ATAD3C: variants seen among roughly 807,000 people sequenced by gnomAD.
ATAD3C encodes ATPase family AAA domain containing 3C, also known as ATPase family AAA domain-containing protein 3C.
In ATAD3C, 38 loss-of-function variants were observed where a neutral mutation model predicts 46.3. The observed-to-expected ratio is 0.82, with a 90% CI of 0.63 to 1.08. The LOEUF is 1.08. Among genes scored for constraint, ATAD3C ranks in the 50% least tolerant of loss-of-function variants. ATAD3C has a pLI of 0.00. For synonymous variants in ATAD3C, 220 were observed against 236.4 expected (o/e 0.93, Z 0.63); for missense variants, 563 against 572.7 (o/e 0.98, Z 0.17).
chr1:1,459,951 C>G lies in ATAD3C; in HGVS notation c.812+720C>G, dbSNP rs1013198497. Among the ~76,000 whole-genome samples, 2 of 152,046 alleles carry G rather than the reference C, an allele frequency of 1.3e-5. No homozygotes were observed. Among genetic ancestry groups the G allele is most frequent in the African/African-American group, 4.8e-5 (2 of 41,418 alleles). ...GTTGGGCTCCTGGGTCAGCTGCTGC[C>G]GGTAGACGCTCCCTGGAGCCCTGAC... On this transcript the variant is annotated intron_variant, in intron 9 of 11. Coordinates refer to ENST00000378785, the MANE Select transcript of ATAD3C (RefSeq NM_001039211.3). The surrounding 1 kb of genome is among the most constrained non-coding windows in gnomAD (Gnocchi z 4.9).
intron 3 of ATAD3C, among the ~76,000 whole-genome samples, chr1:1,453,679 G>T (rs1360188226): frequency 2.9e-5 from 4 of 139,138 alleles, no homozygotes; most frequent in East Asian, 4.5e-4. Context: ...CCCTGTTGTT[G>T]CCCAGGCTTG....
At chr1:1,451,951 G>A (rs1005529390) in intron 1 of ATAD3C, 95 bp from the exon 2 acceptor site, 42 of 1,535,990 alleles carry the variant, frequency 2.7e-5, no homozygotes, top group Non-Finnish European at 3.6e-5. Flanking sequence ...GACGCTTGGA[G>A]CCCTGCGGTC....
chr1:1,454,858 C>T (rs183809042), intron 4 of ATAD3C, among the ~76,000 whole-genome samples: 30 of 151,964 alleles, frequency 2.0e-4, no homozygotes, highest in Non-Finnish European at 3.7e-4. Flanking sequence ...TGCCAGCCCC[C>T]AAGGTGCCTG....
chr1:1,455,698 G>C (rs1638947391), intron 5 of ATAD3C, 93 bp from the exon 6 acceptor site: 9 of 1,577,590 alleles, frequency 5.7e-6, no homozygotes, highest in Non-Finnish European at 7.8e-6. Flanking sequence ...TCCCCGGAGA[G>C]CGGAGTCCAC....
chr1:1,458,822 A>C (rs143014491), intron 8 of ATAD3C, among the ~76,000 whole-genome samples: 1,784 of 151,268 alleles, frequency 0.012, 44 homozygotes, highest in African/African-American at 0.041. Context: ...TCCCAGGTTT[A>C]AGTGATTCTC....
intron 11 of ATAD3C, among the ~76,000 whole-genome samples, chr1:1,464,613 A>G (rs1463590022): frequency 2.0e-5 from 3 of 151,752 alleles, no homozygotes; most frequent in Non-Finnish European, 2.9e-5. Flanking sequence ...TCTACTAAAA[A>G]TACGAAACTT....
chr1:1,462,104 A>G lies in ATAD3C; in HGVS notation c.981-496A>G, dbSNP rs1374447870. ...ATCCCTGCTGTCGCCAGTGACGACA[A>G]AAGCTGCTCTGTTCCAAAGAGAGCC... is the stretch of plus-strand genomic sequence containing the variant. On this transcript the variant is annotated intron_variant, in intron 10 of 11. Coordinates refer to ENST00000378785, the MANE Select transcript of ATAD3C (RefSeq NM_001039211.3). This position sits in a 1 kb window ranked among gnomAD's most constrained non-coding sequence, Gnocchi z 4.5. Among the ~76,000 whole-genome samples the G allele has an allele frequency of 6.6e-6, 1 of 151,972 alleles. No individual in the cohort carries two copies. Among genetic ancestry groups the G allele is most frequent in the Non-Finnish European group, 1.5e-5 (1 of 67,926 alleles).
chr1:1,457,748 G>A (rs1370809181), intron 8 of ATAD3C, among the ~76,000 whole-genome samples: 6 of 151,394 alleles, frequency 4.0e-5, no homozygotes, highest in African/African-American at 1.2e-4. Flanking sequence ...GCGTGATCTC[G>A]GCTCACTGCA....
At chr1:1,457,742 G>A (rs750316443) in intron 8 of ATAD3C, among the ~76,000 whole-genome samples, 2 of 151,544 alleles carry the variant, frequency 1.3e-5, no homozygotes, top group Admixed American at 6.6e-5. Context: ...TCAGTGGCGT[G>A]ATCTCGGCTC....
intron 3 of ATAD3C, 108 bp from the exon 4 acceptor site, chr1:1,454,237 G>A (rs923921423): frequency 1.4e-6 from 2 of 1,472,768 alleles, no homozygotes; most frequent in African/African-American, 2.8e-5. Context: ...ACACGGCCCT[G>A]TGCTTCTCCC....
rs1421242276 is a variant in ATAD3C, at chr1:1,452,076, G to A, written c.106G>A (p.Glu36Lys). 3 of 1,613,548 alleles carry A rather than the reference G, an allele frequency of 1.9e-6. No individual in the cohort carries two copies. Among genetic ancestry groups the A allele is most frequent in the African/African-American group, 2.7e-5 (2 of 74,942 alleles). The change falls in exon 2 of 12, where the codon GAG (glutamate) becomes AAG (lysine). Residue 36 changes from glutamate to lysine, a missense_variant. Glu to Lys is a moderately conservative substitution (Grantham distance 56, BLOSUM62 1). Transcript: ENST00000378785. ...TGTCAATGAGGATTTACGGAAGCAG[G>A]AGGAGTCCGTGCAGAAGCACCATCA... ...QLVNEDLRKQ[E>K]ESVQKHHQTF...
At chr1:1,463,991 G>A (rs1639108407) in intron 11 of ATAD3C, among the ~76,000 whole-genome samples, 1 of 151,060 alleles carries the variant, frequency 6.6e-6, no homozygotes, top group African/African-American at 2.4e-5. Context: ...AATCACTTGA[G>A]GCCAGGAGTT....
intron 6 of ATAD3C, 102 bp downstream of exon 6, chr1:1,456,018 G>T: frequency 6.4e-7 from 1 of 1,565,600 alleles, no homozygotes; most frequent in Non-Finnish European, 8.6e-7. Context: ...ACCCCCCTTA[G>T]GCCTTTGCCC....
chr1:1,454,580 A>C lies in ATAD3C; in HGVS notation c.378+80A>C, dbSNP rs983375088. ...TGCCCCACGAGCACAGCCCACGCAT[A>C]TACTCCTGTCCCTTCCCTTTCCCCG... On this transcript the variant is annotated intron_variant, in intron 4 of 11. Transcript: ENST00000378785. 54 of 1,516,840 alleles carry C rather than the reference A, an allele frequency of 3.6e-5. 1 individual carries two copies. Among genetic ancestry groups the C allele is most frequent in the Non-Finnish European group, 4.6e-5 (52 of 1,139,830 alleles). The allele number at this position is 1,516,840 out of a possible 1,614,324, so 94.0% of individuals were successfully genotyped here.
chr1:1,460,536 C>T (rs1274736433), intron 9 of ATAD3C, among the ~76,000 whole-genome samples: 2 of 152,016 alleles, frequency 1.3e-5, no homozygotes, highest in Non-Finnish European at 2.9e-5. Context: ...GAACAGAGGC[C>T]CAGGAAGCCG....
chr1:1,464,493 G>A (rs1489269192), intron 11 of ATAD3C, among the ~76,000 whole-genome samples: 3 of 151,876 alleles, frequency 2.0e-5, no homozygotes, highest in African/African-American at 4.8e-5. Flanking sequence ...TTTTTGTGCC[G>A]GGCACGGTGG....
In ATAD3C at chr1:1,457,834, C is replaced by T. The variant is rs1248703745; in HGVS notation, c.741+654C>T. 6.0e-5 allele frequency among the ~76,000 whole-genome samples: 9 copies of T among 151,156 alleles called. 1 individual carries two copies. Among genetic ancestry groups the T allele is most frequent in the Non-Finnish European group, 1.5e-5 (1 of 67,796 alleles). On this transcript the variant is annotated intron_variant, in intron 8 of 11. Transcript: ENST00000378785. The stretch of plus-strand genomic sequence containing the variant: ...CTGGGATTATAGGCATCCGCCACCA[C>T]ACCCAGCTAATTTTTGTATTTTTAG...
rs375993584 is a variant in ATAD3C, at chr1:1,462,782, G to A, written c.1089+74G>A. ...GCAGATGCTTGGTTGCGCCAGGCCT[G>A]TCCCAGCACCGGTGTCACGTGGGAG... On this transcript the variant is annotated intron_variant, in intron 11 of 11. Transcript: ENST00000378785. The surrounding 1 kb of genome is among the most constrained non-coding windows in gnomAD (Gnocchi z 4.5). The A allele has an allele frequency of 2.7e-6, 4 of 1,477,796 alleles. No homozygotes were observed. The African/African-American group carries it at 5.6e-5, about 21-fold the overall frequency. 91.5% of individuals were successfully genotyped at this position (1,477,796 alleles called of 1,614,324 possible).
At chr1:1,466,619 A>G (rs531381524) in intron 11 of ATAD3C, among the ~76,000 whole-genome samples, 1 of 150,512 alleles carries the variant, frequency 6.6e-6, no homozygotes, top group Admixed American at 6.7e-5. Flanking sequence ...TCCTTCCTCC[A>G]CTCTGCTAAT....
Sources: gnomAD v4.1 joint callset for allele counts (sites outside exome capture counted in the v4.1 genomes callset) on GRCh38, gnomAD v4.1.1 for gene constraint, Gnocchi (gnomAD v3.1) non-coding constraint, MANE v1.5 for transcripts, NCBI Gene and HGNC (gene_info 2026-07-23, HGNC 2026-07-21) for gene names.